TTC34: variants seen among roughly 807,000 people sequenced by gnomAD.
The protein encoded by TTC34 is tetratricopeptide repeat protein 34.
In TTC34, 44 loss-of-function variants were observed where a neutral mutation model predicts 40.7. That is an observed-to-expected ratio of 1.08 (90% CI 0.85 to 1.39). The LOEUF is 1.39. TTC34 is among the 40% of genes most tolerant of loss of function. TTC34 has a pLI of 0.00. For synonymous variants in TTC34, 422 were observed against 398.6 expected (o/e 1.06, Z -0.70); for missense variants, 884 against 838.0 (o/e 1.05, Z -0.68).
intron 6 of TTC34, among the ~76,000 whole-genome samples, chr1:2,693,173 T>A (rs1401199211): frequency 8.4e-4 from 28 of 33,378 alleles, no homozygotes; most frequent in East Asian, 1.7e-3. Context: ...ACAGCCTGGG[T>A]CCGCACCCAC....
chr1:2,647,344 G>A (rs1248373480), intron 6 of TTC34, among the ~76,000 whole-genome samples: 1 of 152,038 alleles, frequency 6.6e-6, no homozygotes, highest in African/African-American at 2.4e-5. Context: ...TTTTTTAGAG[G>A]CCAGGTGCAG....
At chr1:2,686,600 A>G (rs1570814823) in intron 6 of TTC34, among the ~76,000 whole-genome samples, 1 of 143,864 alleles carries the variant, frequency 7.0e-6, no homozygotes. Context: ...CAGCACACAC[A>G]CCCCCAGGCG....
chr1:2,652,344 T>TGGAACAGCACCCACACCCCCAGGTGAGC (rs1639169517), intron 6 of TTC34, among the ~76,000 whole-genome samples: 1 of 54,516 alleles, frequency 1.8e-5, no homozygotes. Flanking sequence ...GAGCATCTGA[T>TGGAACAGCACCCACACCCCCAGGTGAGC]ATCCTGGAAC....
chr1:2,785,771 T>C lies in TTC34; in HGVS notation c.2059+48A>G, dbSNP rs930680570. On this transcript the variant is annotated intron_variant, in intron 5 of 8. Coordinates refer to ENST00000401095, the Ensembl canonical transcript of TTC34. ...CATGGCAGAGACTCCCCATGTCCCC[T>C]GTGCCTGGCACAAGACTGGGCCCTG... 7.3e-6 allele frequency: 11 copies of C among 1,516,070 alleles called. 1 individual carries two copies. In the Middle Eastern group the frequency reaches 6.7e-4, roughly 93 times the overall value. 93.9% of individuals were successfully genotyped at this position (1,516,070 alleles called of 1,614,324 possible).
At chr1:2,767,408 G>C (rs1315044905) in intron 6 of TTC34, among the ~76,000 whole-genome samples, 5 of 143,448 alleles carry the variant, frequency 3.5e-5, no homozygotes, top group Non-Finnish European at 7.6e-5. Context: ...ACACCCCCAG[G>C]TGAGCATCTG....
At chr1:2,799,920 T>A (rs1643753771) in intron 2 of TTC34, 124 bp downstream of exon 2, 2 of 397,918 alleles carry the variant, frequency 5.0e-6, no homozygotes, top group Non-Finnish European at 8.8e-6. Flanking sequence ...CTGACTTTCT[T>A]GTCACTGAGG....
chr1:2,675,164 C>G (rs532866481), intron 6 of TTC34, among the ~76,000 whole-genome samples: 18 of 139,272 alleles, frequency 1.3e-4, no homozygotes, highest in African/African-American at 3.7e-4. Flanking sequence ...CCCACACCCC[C>G]AGGGGAGCAT....
chr1:2,754,760 T>A (rs1299223884), intron 6 of TTC34, among the ~76,000 whole-genome samples: 4 of 112,494 alleles, frequency 3.6e-5, no homozygotes, highest in South Asian at 6.4e-4. Context: ...CATGTGATGG[T>A]CTGGAGCAGC....
chr1:2,677,009 CT>C (rs1476167974), intron 6 of TTC34, among the ~76,000 whole-genome samples: 29 of 121,562 alleles, frequency 2.4e-4, no homozygotes, highest in African/African-American at 7.6e-4. Context: ...GCACCCACCA[CT>C]CCCAGGCCAG....
intron 7 of TTC34, 29 bp from the exon 8 acceptor site, chr1:2,644,507 T>C: frequency 6.6e-7 from 1 of 1,521,800 alleles, no homozygotes; most frequent in Non-Finnish European, 8.8e-7. Flanking sequence ...GGACAGTCAG[T>C]GTGTGGGGTT....
At chr1:2,686,259 C>T (rs1343533963) in intron 6 of TTC34, among the ~76,000 whole-genome samples, 6 of 146,166 alleles carry the variant, frequency 4.1e-5, no homozygotes, top group Non-Finnish European at 7.5e-5. Flanking sequence ...GAGCATCTGA[C>T]AGCGTGGAGG....
rs1228775089 is a variant in TTC34, at chr1:2,686,586, G to C, written c.2227-41023C>G. 4.0e-5 allele frequency among the ~76,000 whole-genome samples: 6 copies of C among 148,894 alleles called. 1 individual carries two copies. Among genetic ancestry groups the C allele is most frequent in the Non-Finnish European group, 7.4e-5 (5 of 67,326 alleles). On this transcript the variant is annotated intron_variant, in intron 6 of 8. Coordinates refer to ENST00000401095, the Ensembl canonical transcript of TTC34. ...CACCCAGGTGAGCATCTGACCGCCT[G>C]GAACAGCACACACACCCCCAGGCGA...
intron 6 of TTC34, among the ~76,000 whole-genome samples, chr1:2,675,611 GA>G (rs1639882763): frequency 7.0e-6 from 1 of 143,646 alleles, no homozygotes; most frequent in African/African-American, 2.6e-5. Context: ...AACCCCAGGC[GA>G]GCATCGGACA....
intron 6 of TTC34, among the ~76,000 whole-genome samples, chr1:2,751,641 C>G (rs1252388441): frequency 5.7e-5 from 8 of 139,444 alleles, no homozygotes; most frequent in Non-Finnish European, 1.1e-4. Flanking sequence ...TGGAACAGCA[C>G]CCACACCCCC....
chr1:2,768,114 C>A (rs1391839220), intron 6 of TTC34, among the ~76,000 whole-genome samples: 1 of 151,358 alleles, frequency 6.6e-6, no homozygotes, highest in Admixed American at 6.6e-5. Context: ...CAGCCTAGAG[C>A]GGCACCTGCA....
At chr1:2,695,684 G>A (rs1569624159) in intron 6 of TTC34, among the ~76,000 whole-genome samples, 1 of 151,692 alleles carries the variant, frequency 6.6e-6, no homozygotes, top group East Asian at 1.9e-4. Flanking sequence ...ACCCCCAGGT[G>A]AGCATCTGAC....
rs567504627 is a variant in TTC34, at chr1:2,699,995, C to A, written c.2227-54432G>T. Among the ~76,000 whole-genome samples the A allele has an allele frequency of 3.2e-4, 36 of 111,772 alleles. 3 individuals carry two copies. The highest frequency in any genetic ancestry group is 9.9e-4 in the African/African-American group (35 of 35,398). The allele number at this position is 111,772 out of a possible 152,430, so 73.3% of individuals were successfully genotyped here. On this transcript the variant is annotated intron_variant, in intron 6 of 8. Transcript: ENST00000401095. ...CACCCCAAGGTGAGCATCTGACAGC[C>A]TGGAGCAGCGTCCACACCCCCAGGT...
At chr1:2,789,903 G>C (rs1295507218) in exon 3 of TTC34, 2 of 399,004 alleles carry the variant, frequency 5.0e-6, no homozygotes, top group Non-Finnish European at 8.8e-6. Flanking sequence ...TCCCCTGCAC[G>C]GTCCCCCGCA....
chr1:2,651,853 G>A (rs560535070), intron 6 of TTC34, among the ~76,000 whole-genome samples: 2 of 152,206 alleles, frequency 1.3e-5, no homozygotes, highest in Admixed American at 1.3e-4. Flanking sequence ...AATTAGGTGA[G>A]CCTCTGATGG....
Sources: gnomAD v4.1 joint callset for allele counts (sites outside exome capture counted in the v4.1 genomes callset) on GRCh38, gnomAD v4.1.1 for gene constraint, MANE v1.5 for transcripts, NCBI Gene and HGNC (gene_info 2026-07-23, HGNC 2026-07-21) for gene names.